The following AREL1 variants were observed in gnomAD, a reference collection of about 807,000 sequenced individuals.
The protein encoded by AREL1 is apoptosis resistant E3 ubiquitin protein ligase 1.
AREL1 carries 62 observed loss-of-function variants against 99.0 expected under a neutral mutation model. That is an observed-to-expected ratio of 0.63 (90% CI 0.51 to 0.77). AREL1 has a LOEUF of 0.77. AREL1 is among the 30% of genes least tolerant of loss of function. AREL1 has a pLI of 0.00. For missense variants in AREL1, 879 were observed against 1,027.6 expected (o/e 0.86, Z 1.98); for synonymous variants, 380 against 376.5 (o/e 1.01, Z -0.11).
At chr14:74,695,764 C>T (rs2089970548) in intron 1 of AREL1, among the ~76,000 whole-genome samples, 2 of 152,216 alleles carry the variant, frequency 1.3e-5, no homozygotes, top group Non-Finnish European at 1.5e-5. Flanking sequence ...CAGGTCATAA[C>T]ATTGCCTCCC....
chr14:74,691,324 T>TAAAA (rs11407786), intron 2 of AREL1, among the ~76,000 whole-genome samples: 5 of 72,780 alleles, frequency 6.9e-5, no homozygotes, highest in African/African-American at 1.2e-4. Context: ...TGTCTCCATT[T>TAAAA]AAAAAAAAAA....
chr14:74,674,445 CA>C (rs1566683670), intron 8 of AREL1, among the ~76,000 whole-genome samples: 2 of 151,880 alleles, frequency 1.3e-5, no homozygotes, highest in African/African-American at 4.8e-5. Flanking sequence ...ACTAAAAATA[CA>C]AAAAAATTAG....
At chr14:74,673,906 C>A in intron 9 of AREL1, 128 bp downstream of exon 9, 1 of 688,620 alleles carries the variant, frequency 1.5e-6, no homozygotes, top group Non-Finnish European at 2.4e-6. Flanking sequence ...CTTTATTTGG[C>A]AACGAATCCT....
At chr14:74,674,519 T>C (rs961071150) in intron 8 of AREL1, among the ~76,000 whole-genome samples, 11 of 152,204 alleles carry the variant, frequency 7.2e-5, no homozygotes, top group African/African-American at 2.4e-4. Context: ...CAAGAATCGC[T>C]TGAACCCGGG....
chr14:74,690,267 A>C lies in AREL1; in HGVS notation c.-46+1774T>G, dbSNP rs929335078. 4.1e-3 allele frequency among the ~76,000 whole-genome samples: 602 copies of C among 148,100 alleles called. 16 individuals carry two copies. The East Asian group carries it at 0.1, about 25-fold the overall frequency. Reference sequence around the variant, plus strand: ...CAACAGAGCAAGACCCTGTCTCCAAAAAAAAAAAAAAAAAAAAAGCTCCAA... The same window carrying C: ...CAACAGAGCAAGACCCTGTCTCCAACAAAAAAAAAAAAAAAAAAGCTCCAA... On this transcript the variant is annotated intron_variant, in intron 2 of 19. Coordinates refer to ENST00000356357, the MANE Select transcript of AREL1 (RefSeq NM_001039479.2).
At chr14:74,677,121 T>A (rs2089503552) in intron 5 of AREL1, among the ~76,000 whole-genome samples, 1 of 151,770 alleles carries the variant, frequency 6.6e-6, no homozygotes, top group Non-Finnish European at 1.5e-5. Flanking sequence ...TTAAAGGTGC[T>A]CTTCAGGGCA....
intron 11 of AREL1, chr14:74,672,083 C>CT: frequency 2.4e-6 from 1 of 418,996 alleles, no homozygotes; most frequent in South Asian, 1.7e-5. Context: ...TCAGGTGTTC[C>CT]TTTTCCATCA....
In AREL1 at chr14:74,673,158, T is replaced by C; in HGVS notation, c.1219A>G (p.Ile407Val). The C allele has an allele frequency of 6.2e-7, 1 of 1,614,190 alleles. No individual in the cohort carries two copies. Among genetic ancestry groups the C allele is most frequent in the Non-Finnish European group, 8.5e-7 (1 of 1,180,040 alleles). ...CAGCTGAGCTCCACAGGAGGTTGAA[T>C]GCCATCATCCACCACCAGTGTGAGC... Reference protein sequence around the residue: ...KLLTLVVDDGIQPPVELSCKE... With the variant: ...KLLTLVVDDGVQPPVELSCKE... The change falls in exon 10 of 20, where the codon ATT (isoleucine) becomes GTT (valine). Residue 407 changes from isoleucine to valine, a missense_variant. Ile to Val is a conservative substitution (Grantham distance 29, BLOSUM62 3). Coordinates refer to ENST00000356357, the MANE Select transcript of AREL1 (RefSeq NM_001039479.2).
Position 74,669,778 on chromosome 14 carries a change from A to C in AREL1, c.1789-4T>G. 6.2e-7 allele frequency: 1 copy of C among 1,614,162 alleles called. No individual in the cohort carries two copies. Among genetic ancestry groups the C allele is most frequent in the Non-Finnish European group, 8.5e-7 (1 of 1,179,996 alleles). On this transcript the variant is annotated splice_polypyrimidine_tract_variant and splice_region_variant and intron_variant, in intron 14 of 19. Coordinates refer to ENST00000356357, the MANE Select transcript of AREL1 (RefSeq NM_001039479.2). ...CTGGGTCATCTGTTTCAAAGTACTGAGGAGGCAGAAAGACACAGAACAGAA... is the reference window on the plus strand; with the variant it reads ...CTGGGTCATCTGTTTCAAAGTACTGCGGAGGCAGAAAGACACAGAACAGAA...
chr14:74,672,918 A>G lies in AREL1; in HGVS notation c.1335T>C (p.Phe445=), dbSNP rs1421033421. ...GTACCTGCCGAAGCTCTCGCTGGAA[A>G]AAGTTCACCTTGTCCTGAAAGGTCT... ...GSETFQDKVN[F]FQRELRQVHM... is the part of the protein sequence containing the mutation. The change falls in exon 11 of 20, where the codon TTT becomes TTC. Residue 445 remains phenylalanine (F), a synonymous_variant. Coordinates refer to ENST00000356357, the MANE Select transcript of AREL1 (RefSeq NM_001039479.2). The G allele has an allele frequency of 1.2e-6, 2 of 1,614,168 alleles. No individual in the cohort carries two copies. The highest frequency in any genetic ancestry group is 3.3e-5 in the Admixed American group (2 of 60,024).
intron 5 of AREL1, 70 bp downstream of exon 5, chr14:74,683,226 A>G (rs1004503618): frequency 5.3e-6 from 6 of 1,131,160 alleles, no homozygotes; most frequent in Non-Finnish European, 7.7e-6. Flanking sequence ...TATTTTTAAA[A>G]AGGAAAGACA....
Position 74,695,610 on chromosome 14 carries a change from C to G in AREL1, c.-333-3282G>C, listed in dbSNP as rs150207026. ...GGCCTCTCTGAGGACTCTTCCCACA[C>G]CAGATAGAATCAGCCACTTCCTCCT... On this transcript the variant is annotated intron_variant, in intron 1 of 19. Transcript: ENST00000356357. 5.2e-4 allele frequency among the ~76,000 whole-genome samples: 79 copies of G among 152,304 alleles called. No homozygotes were observed. The East Asian group carries it at 0.014, about 27-fold the overall frequency.
At chr14:74,701,488 C>T (rs989647898) in intron 1 of AREL1, among the ~76,000 whole-genome samples, 2 of 152,148 alleles carry the variant, frequency 1.3e-5, no homozygotes, top group South Asian at 4.1e-4. Flanking sequence ...TCTTGTGAGA[C>T]TTATTCACTA....
Position 74,662,898 on chromosome 14 carries a change from A to G in AREL1, c.*822T>C. ...CCCAAGCCGGCCATACTTCAGTGCC[A>G]ATAACAAACTCAGGGAAAAGCATCA... On this transcript the variant is annotated 3_prime_UTR_variant, in exon 20 of 20. Coordinates refer to ENST00000356357, the MANE Select transcript of AREL1 (RefSeq NM_001039479.2). 1 of 317,252 alleles carries G rather than the reference A, an allele frequency of 3.2e-6. No individual in the cohort carries two copies. The highest frequency in any genetic ancestry group is 5.7e-6 in the Non-Finnish European group (1 of 174,522). 19.7% of individuals were successfully genotyped at this position (317,252 alleles called of 1,614,324 possible). A position where few individuals can be genotyped will look rare whatever the true frequency, so the allele number is the denominator to read the frequency against.
Position 74,671,131 on chromosome 14 carries a change from C to T in AREL1, c.1499-260G>A, listed in dbSNP as rs371289378. 3.3e-5 allele frequency among the ~76,000 whole-genome samples: 5 copies of T among 152,208 alleles called. 1 individual carries two copies. The highest frequency in any genetic ancestry group is 1.2e-4 in the African/African-American group (5 of 41,536). On this transcript the variant is annotated intron_variant, in intron 12 of 19. Coordinates refer to ENST00000356357, the MANE Select transcript of AREL1 (RefSeq NM_001039479.2). Reference sequence around the variant, plus strand: ...GATCCCAGGAAATGGACATTTCTCTCAAGGTAACCACGGTTCAAACACTTA... The same window carrying T: ...GATCCCAGGAAATGGACATTTCTCTTAAGGTAACCACGGTTCAAACACTTA...
chr14:74,671,971 G>A (rs372169069), intron 11 of AREL1: 10 of 454,706 alleles, frequency 2.2e-5, no homozygotes, highest in African/African-American at 1.2e-4. Flanking sequence ...ACACCTACCA[G>A]AGCCAAACAT....
chr14:74,670,208 A>G (rs2089303781), intron 13 of AREL1, 82 bp from the exon 14 acceptor site: 1 of 1,386,532 alleles, frequency 7.2e-7, no homozygotes, highest in Non-Finnish European at 9.8e-7. Context: ...CCCCAACCCC[A>G]TGCCAAAGGA....
At chr14:74,668,564 C>G (rs2089259117) in intron 15 of AREL1, among the ~76,000 whole-genome samples, 1 of 151,926 alleles carries the variant, frequency 6.6e-6, no homozygotes, top group African/African-American at 2.4e-5. Context: ...TGAGCACTAC[C>G]CTGGGTCTGA....
At chr14:74,688,376 G>C (rs769130650) in intron 2 of AREL1, among the ~76,000 whole-genome samples, 3 of 152,080 alleles carry the variant, frequency 2.0e-5, no homozygotes, top group Non-Finnish European at 2.9e-5. Context: ...TAGAACATGA[G>C]AGCCACAGTC....
Sources: gnomAD v4.1 joint callset for allele counts (sites outside exome capture counted in the v4.1 genomes callset) on GRCh38, gnomAD v4.1.1 for gene constraint, MANE v1.5 for transcripts, NCBI Gene and HGNC (gene_info 2026-07-23, HGNC 2026-07-21) for gene names.